The following RFX2 variants were observed in gnomAD, a reference collection of about 807,000 sequenced individuals.
RFX2 encodes DNA-binding protein RFX2.
RFX2 carries 20 observed loss-of-function variants against 87.8 expected under a neutral mutation model. That is an observed-to-expected ratio of 0.23 (90% CI 0.16 to 0.33). The LOEUF is 0.33. Among genes scored for constraint, RFX2 ranks in the 10% least tolerant of loss-of-function variants. The pLI is 1.00. For synonymous variants in RFX2, 397 were observed against 431.3 expected (o/e 0.92, Z 0.98); for missense variants, 767 against 1,012.3 (o/e 0.76, Z 3.29).
rs942862851 is a variant in RFX2, at chr19:6,074,982, G to A, written c.-8-27478C>T. The stretch of plus-strand genomic sequence containing the variant: ...GGCCTTTGGGAGGTGATTAGGTCAT[G>A]AGGGTGGGATCATGCCCTCCCTTAT... On this transcript the variant is annotated intron_variant, in intron 1 of 17. Transcript: ENST00000303657. This position sits in a 1 kb window ranked among gnomAD's most constrained non-coding sequence, Gnocchi z 5.2. Among the ~76,000 whole-genome samples, 1 of 152,074 alleles carries A rather than the reference G, an allele frequency of 6.6e-6. No homozygotes were observed. Among genetic ancestry groups the A allele is most frequent in the Non-Finnish European group, 1.5e-5 (1 of 68,018 alleles).
At position 6,024,928 on chromosome 19, in the gene RFX2, G is replaced by A. The variant is rs868308352; in HGVS notation, c.597+1235C>T. Among the ~76,000 whole-genome samples the A allele has an allele frequency of 2.0e-5, 3 of 149,164 alleles. No individual in the cohort carries two copies. The highest frequency in any genetic ancestry group is 4.9e-5 in the African/African-American group (2 of 40,670). On this transcript the variant is annotated intron_variant, in intron 6 of 17. Coordinates refer to ENST00000303657, the MANE Select transcript of RFX2 (RefSeq NM_000635.4). This position sits in a 1 kb window ranked among gnomAD's most constrained non-coding sequence, Gnocchi z 5.0. Reference sequence around the variant, plus strand: ...GTCAGGACGGGATCACGGTGAGGACGGGAGTCAGGACGGGATCACGGTGAG... The same window carrying A: ...GTCAGGACGGGATCACGGTGAGGACAGGAGTCAGGACGGGATCACGGTGAG...
chr19:6,070,120 GGGATGGGATGT>G (rs2087579844), intron 1 of RFX2, among the ~76,000 whole-genome samples: 1 of 67,410 alleles, frequency 1.5e-5, no homozygotes, highest in Admixed American at 1.4e-4. Flanking sequence ...GGGATGGGAT[GGGATGGGATGT>G]GGATGGGATG....
At chr19:6,099,794 C>T (rs967087744) in intron 1 of RFX2, among the ~76,000 whole-genome samples, 2 of 152,176 alleles carry the variant, frequency 1.3e-5, no homozygotes, top group African/African-American at 4.8e-5. Context: ...CAGTCCTTGC[C>T]ACTTCTTGTT....
intron 12 of RFX2, among the ~76,000 whole-genome samples, chr19:6,005,014 G>T (rs1290296369): frequency 6.6e-6 from 1 of 152,150 alleles, no homozygotes; most frequent in Non-Finnish European, 1.5e-5. Flanking sequence ...AGCTATTTGG[G>T]AGGCTGAGGC....
At chr19:6,051,573 C>T (rs1460529256) in intron 1 of RFX2, among the ~76,000 whole-genome samples, 1 of 152,106 alleles carries the variant, frequency 6.6e-6, no homozygotes, top group Non-Finnish European at 1.5e-5. Context: ...TGAAATCCTA[C>T]TTAACATATT....
At chr19:6,109,924 C>G (rs1358567174) in intron 1 of RFX2, among the ~76,000 whole-genome samples, 1 of 151,014 alleles carries the variant, frequency 6.6e-6, no homozygotes, top group East Asian at 2.0e-4. Flanking sequence ...CTGGCGCCCC[C>G]AATTCAGAAA....
intron 5 of RFX2, among the ~76,000 whole-genome samples, chr19:6,028,545 C>T (rs565606227): frequency 1.2e-4 from 18 of 152,246 alleles, no homozygotes; most frequent in Non-Finnish European, 1.6e-4. Flanking sequence ...CATTAAAATC[C>T]ATTAATCTTG....
At chr19:6,085,227 C>T (rs1381040654) in intron 1 of RFX2, among the ~76,000 whole-genome samples, 1 of 152,204 alleles carries the variant, frequency 6.6e-6, no homozygotes, top group African/African-American at 2.4e-5. Flanking sequence ...TTTTGCACAC[C>T]TACCAACAGT....
Position 6,017,384 on chromosome 19 carries a change from G to A in RFX2, c.598-1113C>T, listed in dbSNP as rs140382430. ...CTGGGCATGGACGCAAAGGTGGCCT[G>A]CCCACCAACTGATGCCCTCACCCAG... is the stretch of plus-strand genomic sequence containing the variant. On this transcript the variant is annotated intron_variant, in intron 6 of 17. Coordinates refer to ENST00000303657, the MANE Select transcript of RFX2 (RefSeq NM_000635.4). This position sits in a 1 kb window ranked among gnomAD's most constrained non-coding sequence, Gnocchi z 4.1. Among the ~76,000 whole-genome samples, 316 of 152,326 alleles carry A rather than the reference G, an allele frequency of 2.1e-3. 1 individual carries two copies. Among genetic ancestry groups the A allele is most frequent in the African/African-American group, 7.3e-3 (305 of 41,562 alleles).
At chr19:6,025,092 C>T (rs2144731778) in intron 6 of RFX2, among the ~76,000 whole-genome samples, 1 of 152,316 alleles carries the variant, frequency 6.6e-6, no homozygotes, top group South Asian at 2.1e-4. Flanking sequence ...ATTCTGACTT[C>T]GATGGCCCGT....
chr19:6,035,168 C>T (rs13345582), intron 5 of RFX2, among the ~76,000 whole-genome samples: 4,779 of 152,116 alleles, frequency 0.031, 267 homozygotes, highest in African/African-American at 0.11. Flanking sequence ...CAGGGCCCAC[C>T]GTGTGACCCT....
rs568636918 is a variant in RFX2, at chr19:6,017,185, C to T, written c.598-914G>A. 6.6e-6 allele frequency among the ~76,000 whole-genome samples: 1 copy of T among 152,278 alleles called. No homozygotes were observed. The highest frequency in any genetic ancestry group is 1.9e-4 in the East Asian group (1 of 5,188). On this transcript the variant is annotated intron_variant, in intron 6 of 17. Transcript: ENST00000303657. The surrounding 1 kb of genome is among the most constrained non-coding windows in gnomAD (Gnocchi z 4.1). ...TTGAGGCTGCAGTGAGCTAGGGTCGCGCCACACTGTACTCCAGCCTGGGCG... is the reference window on the plus strand; with the variant it reads ...TTGAGGCTGCAGTGAGCTAGGGTCGTGCCACACTGTACTCCAGCCTGGGCG...
At chr19:6,046,418 TA>T (rs1360847079) in intron 2 of RFX2, among the ~76,000 whole-genome samples, 2 of 151,676 alleles carry the variant, frequency 1.3e-5, no homozygotes, top group Non-Finnish European at 2.9e-5. Flanking sequence ...TCGTCTCTAC[TA>T]AAAATACAAA....
Position 6,008,204 on chromosome 19 carries a change from CG to C in RFX2, c.1035del (p.Glu346SerfsTer36). On this transcript the variant is annotated frameshift_variant, in exon 10 of 18. Coordinates refer to ENST00000303657, the MANE Select transcript of RFX2 (RefSeq NM_000635.4). LOFTEE classifies it high-confidence loss of function. ...QQYIDVSHVF[P>X]EFPAPDLGSF... ...CTGCCCAGGTCGGGCGCTGGGAACT[CG>C]GGGAAGACGTGGGAGACATCTGGGG... is the stretch of plus-strand genomic sequence containing the variant. 2 of 1,560,570 alleles carry C rather than the reference CG, an allele frequency of 1.3e-6. No individual in the cohort carries two copies. The highest frequency in any genetic ancestry group is 1.7e-6 in the Non-Finnish European group (2 of 1,149,792).
At position 6,061,604 on chromosome 19, in the gene RFX2, C is replaced by A. The variant is rs2087432308; in HGVS notation, c.-8-14100G>T. On this transcript the variant is annotated intron_variant, in intron 1 of 17. Coordinates refer to ENST00000303657, the MANE Select transcript of RFX2 (RefSeq NM_000635.4). This position sits in a 1 kb window ranked among gnomAD's most constrained non-coding sequence, Gnocchi z 5.2. ...CTCCCGGCCCCGCCTCTGGATCTTA[C>A]TGGGGAGTCGGCTGCAGCCGGGGGA... is the stretch of plus-strand genomic sequence containing the variant. 6.6e-6 allele frequency among the ~76,000 whole-genome samples: 1 copy of A among 152,208 alleles called. No individual in the cohort carries two copies. Among genetic ancestry groups the A allele is most frequent in the Admixed American group, 6.5e-5 (1 of 15,280 alleles).
intron 1 of RFX2, among the ~76,000 whole-genome samples, chr19:6,085,093 C>G (rs77553708): frequency 0.017 from 2,610 of 152,262 alleles, 45 homozygotes; most frequent in Middle Eastern, 0.048. Flanking sequence ...TTTATCCATT[C>G]ATTTGTTGGT....
chr19:6,029,256 C>CAA lies in RFX2; in HGVS notation c.523-3021_523-3020dup, dbSNP rs549438410. Among the ~76,000 whole-genome samples the CAA allele has an allele frequency of 5.3e-5, 5 of 94,480 alleles. No homozygotes were observed. In the East Asian group the frequency reaches 8.1e-4, roughly 15 times the overall value. The allele number at this position is 94,480 out of a possible 152,430, so 62.0% of individuals were successfully genotyped here. On this transcript the variant is annotated intron_variant, in intron 5 of 17. Transcript: ENST00000303657. The stretch of plus-strand genomic sequence containing the variant: ...TTTTCCACAAAAATTATGAGGCACG[C>CAA]AAAAAAAAAAAAAGAAAGTATGGCC...
chr19:6,052,176 G>A (rs1004802085), intron 1 of RFX2, among the ~76,000 whole-genome samples: 2 of 152,092 alleles, frequency 1.3e-5, no homozygotes, highest in Non-Finnish European at 2.9e-5. Context: ...CACTCAGCCT[G>A]CAAACTCTGA....
At chr19:6,070,141 G>A (rs200974036) in intron 1 of RFX2, among the ~76,000 whole-genome samples, 1 of 104,156 alleles carries the variant, frequency 9.6e-6, no homozygotes, top group African/African-American at 3.8e-5. Context: ...TGGATGGGAT[G>A]GGATGGGATG....
Sources: gnomAD v4.1 joint callset for allele counts (sites outside exome capture counted in the v4.1 genomes callset) on GRCh38, gnomAD v4.1.1 for gene constraint, Gnocchi (gnomAD v3.1) non-coding constraint, MANE v1.5 for transcripts, NCBI Gene and HGNC (gene_info 2026-07-23, HGNC 2026-07-21) for gene names.